The following AFG1L variants were observed in gnomAD, a reference collection of about 807,000 sequenced individuals.
The protein encoded by AFG1L is AFG1-like ATPase.
A neutral mutation model predicts 62.2 loss-of-function variants in AFG1L; 53 were observed. The ratio of observed to expected loss-of-function variants is 0.85; its 90% confidence interval spans 0.68 to 1.07. AFG1L has a LOEUF of 1.07. AFG1L is among the 50% of genes least tolerant of loss of function. The pLI is 0.00. For synonymous variants in AFG1L, 228 were observed against 210.3 expected (o/e 1.08, Z -0.73); for missense variants, 555 against 590.5 (o/e 0.94, Z 0.62).
chr6:108,320,849 G>A (rs1242268789), intron 1 of AFG1L, among the ~76,000 whole-genome samples: 1 of 152,172 alleles, frequency 6.6e-6, no homozygotes, highest in African/African-American at 2.4e-5. Flanking sequence ...ACAAAATTGA[G>A]TAGCATCGAT....
intron 8 of AFG1L, among the ~76,000 whole-genome samples, chr6:108,473,549 CT>C (rs1473128597): frequency 6.6e-6 from 1 of 151,952 alleles, no homozygotes; most frequent in Non-Finnish European, 1.5e-5. Context: ...AAGCAGCTCA[CT>C]TTTTTAAAAT....
intron 7 of AFG1L, among the ~76,000 whole-genome samples, chr6:108,404,449 C>G (rs1234862355): frequency 6.6e-6 from 1 of 151,870 alleles, no homozygotes; most frequent in Non-Finnish European, 1.5e-5. Context: ...GCTTTATGGC[C>G]CAACATGTGG....
chr6:108,346,490 T>C (rs1372952213), intron 2 of AFG1L, among the ~76,000 whole-genome samples: 3 of 152,082 alleles, frequency 2.0e-5, no homozygotes, highest in African/African-American at 7.2e-5. Flanking sequence ...TTCAGCCCCC[T>C]GAGTAACTGG....
At chr6:108,409,883 C>T (rs540715886) in intron 7 of AFG1L, among the ~76,000 whole-genome samples, 160 of 152,218 alleles carry the variant, frequency 1.1e-3, no homozygotes, top group Non-Finnish European at 2.0e-3. Context: ...ATTCACATAA[C>T]TCATATTTCT....
At chr6:108,479,065 C>T (rs1018314298) in intron 10 of AFG1L, among the ~76,000 whole-genome samples, 3 of 152,188 alleles carry the variant, frequency 2.0e-5, no homozygotes, top group Admixed American at 1.3e-4. Flanking sequence ...GATTATGGCT[C>T]ACTACAGCCT....
rs1376021724 is a variant in AFG1L, at chr6:108,493,272, A to G, written c.1062+15980A>G. ...AACCTTAGATACTGTGAGAACTAGGAGGAGAGTCGAGCCAGGCTAAATCGT... is the reference window on the plus strand; with the variant it reads ...AACCTTAGATACTGTGAGAACTAGGGGGAGAGTCGAGCCAGGCTAAATCGT... On this transcript the variant is annotated intron_variant, in intron 10 of 12. Coordinates refer to ENST00000368977, the MANE Select transcript of AFG1L (RefSeq NM_145315.5). Among the ~76,000 whole-genome samples the G allele has an allele frequency of 2.0e-5, 3 of 152,224 alleles. No individual in the cohort carries two copies. In the East Asian group the frequency reaches 5.8e-4, roughly 29 times the overall value.
chr6:108,363,181 C>T (rs1387347067), intron 5 of AFG1L, among the ~76,000 whole-genome samples: 3 of 152,104 alleles, frequency 2.0e-5, no homozygotes, highest in South Asian at 4.1e-4. Flanking sequence ...TTGCAGAATG[C>T]TCTTCATTAG....
chr6:108,439,916 C>T (rs1227338989), intron 7 of AFG1L, among the ~76,000 whole-genome samples: 2 of 152,080 alleles, frequency 1.3e-5, no homozygotes, highest in South Asian at 2.1e-4. Context: ...AAAGTTAGTA[C>T]AGTATGCAAT....
Position 108,523,695 on chromosome 6 carries a change from AC to A in AFG1L, c.*1271del, listed in dbSNP as rs1464041686. The A allele has an allele frequency of 2.0e-5, 3 of 152,080 alleles. No individual in the cohort carries two copies. Among genetic ancestry groups the A allele is most frequent in the Non-Finnish European group, 4.4e-5 (3 of 68,016 alleles). The allele number at this position is 152,080 out of a possible 1,614,324, so 9.4% of individuals were successfully genotyped here. A position where few individuals can be genotyped will look rare whatever the true frequency, so the allele number is the denominator to read the frequency against. On this transcript the variant is annotated 3_prime_UTR_variant, in exon 13 of 13. Transcript: ENST00000368977. ...CATCTCCTGGCAGGGGTAGTGTGGC[AC>A]AGCATGGCCCTATTTAATTTCTTAG...
intron 2 of AFG1L, among the ~76,000 whole-genome samples, chr6:108,344,263 C>G (rs578213333): frequency 1.2e-4 from 18 of 152,242 alleles, no homozygotes; most frequent in Non-Finnish European, 7.4e-5. Flanking sequence ...TAGGCATGCA[C>G]CACAGCGCCC....
chr6:108,312,015 C>T (rs1444742679), intron 1 of AFG1L, among the ~76,000 whole-genome samples: 1 of 152,108 alleles, frequency 6.6e-6, no homozygotes, highest in East Asian at 1.9e-4. Context: ...CAGGCATGTG[C>T]CATCATGCCC....
At chr6:108,511,825 A>G (rs1774662669) in intron 11 of AFG1L, among the ~76,000 whole-genome samples, 1 of 152,210 alleles carries the variant, frequency 6.6e-6, no homozygotes, top group African/African-American at 2.4e-5. Flanking sequence ...AAACTTCATC[A>G]TGCCAAGCGC....
At chr6:108,413,467 G>T (rs986940068) in intron 7 of AFG1L, among the ~76,000 whole-genome samples, 3 of 152,000 alleles carry the variant, frequency 2.0e-5, no homozygotes, top group African/African-American at 7.2e-5. Context: ...AATATACATT[G>T]TTCTCAGCAC....
intron 6 of AFG1L, among the ~76,000 whole-genome samples, chr6:108,375,136 A>G (rs1033345704): frequency 6.6e-6 from 1 of 152,034 alleles, no homozygotes; most frequent in African/African-American, 2.4e-5. Flanking sequence ...TTTGAATGTT[A>G]TTGGTGTATA....
rs910651457 is a variant in AFG1L, at chr6:108,308,158, CA to C, written c.139+12941del. Among the ~76,000 whole-genome samples the C allele has an allele frequency of 9.0e-4, 137 of 152,150 alleles. 1 individual carries two copies. Among genetic ancestry groups the C allele is most frequent in the African/African-American group, 3.1e-3 (128 of 41,524 alleles). On this transcript the variant is annotated intron_variant, in intron 1 of 12. Transcript: ENST00000368977. ...ATAAGGCTAGCTTTTTCATTAAAAA[CA>C]TTTTTTTTGAGACTAGATCTCTCTG...
chr6:108,307,537 A>G (rs1777250818), intron 1 of AFG1L, among the ~76,000 whole-genome samples: 2 of 151,726 alleles, frequency 1.3e-5, no homozygotes, highest in African/African-American at 2.4e-5. Flanking sequence ...CAGTCTCCTG[A>G]GTAACTGAGA....
Position 108,451,132 on chromosome 6 carries a change from A to G in AFG1L, c.890+3836A>G, listed in dbSNP as rs1045962666. Among the ~76,000 whole-genome samples, 4 of 152,186 alleles carry G rather than the reference A, an allele frequency of 2.6e-5. No individual in the cohort carries two copies. In the East Asian group the frequency reaches 7.7e-4, roughly 29 times the overall value. On this transcript the variant is annotated intron_variant, in intron 8 of 12. Transcript: ENST00000368977. ...ACTGGAGCCCCAACTGCCAGAAAAC[A>G]AACAAGCAAACAAACAAAAACATAA...
chr6:108,302,015 C>T (rs542128303), intron 1 of AFG1L, among the ~76,000 whole-genome samples: 25 of 149,794 alleles, frequency 1.7e-4, no homozygotes, highest in African/African-American at 5.2e-4. Flanking sequence ...GGCATGATTT[C>T]AGCTAACTGC....
chr6:108,360,351 C>T (rs1177610563), intron 5 of AFG1L, among the ~76,000 whole-genome samples: 2 of 152,270 alleles, frequency 1.3e-5, no homozygotes, highest in African/African-American at 4.8e-5. Flanking sequence ...TCTTGCAGGG[C>T]TCTGAAGAAA....
Sources: allele counts gnomAD v4.1 joint callset (sites outside exome capture counted in the v4.1 genomes callset), GRCh38; gene constraint gnomAD v4.1.1; transcripts MANE v1.5; gene names NCBI Gene and HGNC (gene_info 2026-07-23, HGNC 2026-07-21).